Variants in SERINC5 observed in about 807,000 individuals in gnomAD.
SERINC5 encodes the protein chromosome 5 open reading frame 12.
Under a neutral mutation model 63.1 loss-of-function variants are expected in SERINC5, and 41 were observed. That is an observed-to-expected ratio of 0.65 (90% CI 0.51 to 0.84). The LOEUF (loss-of-function observed/expected upper bound fraction) is 0.84. Among genes scored for constraint, SERINC5 ranks in the 40% least tolerant of loss-of-function variants. The pLI is 0.00. For synonymous variants in SERINC5, 222 were observed against 215.2 expected, an observed-to-expected ratio of 1.03 and a Z score of -0.28; for missense variants, 523 against 573.0, an observed-to-expected ratio of 0.91 and a Z score of 0.89.
intron 2 of SERINC5, among the ~76,000 whole-genome samples, chr5:80,192,137 C>T (rs1749226944): frequency 6.6e-6 from 1 of 152,210 alleles, no homozygotes; most frequent in African/African-American, 2.4e-5. Context: ...CCAGTGTGTA[C>T]TAGCTGGCTC....
chr5:80,139,067 C>A lies in SERINC5; in HGVS notation c.*4596G>T, dbSNP rs553748202. 8.5e-4 allele frequency: 833 copies of A among 983,716 alleles called. 1 individual carries two copies. The highest frequency in any genetic ancestry group is 9.5e-4 in the Non-Finnish European group (785 of 828,392). The allele number at this position is 983,716 out of a possible 1,614,324, so 60.9% of individuals were successfully genotyped here. On this transcript the variant is annotated 3_prime_UTR_variant, in exon 12 of 12. Transcript: ENST00000507668. ...AAAGTTACCAAAATTCGAATCATAT[C>A]AGAGACCATTATAAATTTCAAACAG...
intron 6 of SERINC5, among the ~76,000 whole-genome samples, chr5:80,168,063 A>G (rs1430361779): frequency 6.6e-6 from 1 of 152,226 alleles, no homozygotes; most frequent in Non-Finnish European, 1.5e-5. Flanking sequence ...ACTTAACCCA[A>G]AGATTTTAAT....
intron 5 of SERINC5, among the ~76,000 whole-genome samples, chr5:80,172,346 CAAA>C (rs565503285): frequency 7.3e-4 from 110 of 151,546 alleles, no homozygotes; most frequent in African/African-American, 2.5e-3. Flanking sequence ...TTGTTCAGAA[CAAA>C]AAAAAGTATC....
rs1343113816 is a variant in SERINC5, at chr5:80,140,697, C to T, written c.*2966G>A. ...CTCTAGTCTCCAGTCAGGTAACATG[C>T]CGCGGTATGACACTCCCATAAGAAC... On this transcript the variant is annotated 3_prime_UTR_variant, in exon 12 of 12. Transcript: ENST00000507668. 3.0e-6 allele frequency: 3 copies of T among 985,186 alleles called. No individual in the cohort carries two copies. The highest frequency in any genetic ancestry group is 1.1e-4 in the East Asian group (1 of 8,824). 61.0% of individuals were successfully genotyped at this position (985,186 alleles called of 1,614,324 possible). A position where few individuals can be genotyped will look rare whatever the true frequency, so the allele number is the denominator to read the frequency against.
Position 80,140,912 on chromosome 5 carries a change from T to C in SERINC5, c.*2751A>G, listed in dbSNP as rs2112283966. 5.1e-6 allele frequency: 5 copies of C among 985,190 alleles called. No individual in the cohort carries two copies. The highest frequency in any genetic ancestry group is 6.0e-6 in the Non-Finnish European group (5 of 829,774). The allele number at this position is 985,190 out of a possible 1,614,324, so 61.0% of individuals were successfully genotyped here. Reference sequence around the variant, plus strand: ...ACTCTTTAGGTCATGTACAAAAAGGTGTAGGAAGCAAATGTCTATTATTTT... The same window carrying C: ...ACTCTTTAGGTCATGTACAAAAAGGCGTAGGAAGCAAATGTCTATTATTTT... On this transcript the variant is annotated 3_prime_UTR_variant, in exon 12 of 12. Transcript: ENST00000507668.
Position 80,141,806 on chromosome 5 carries a change from A to T in SERINC5, c.*1857T>A. ...ACAGAGCTCCTGCCCTAAAAAAGGA[A>T]ATTTAATGGAATTTACAAAACAAGG... is the stretch of plus-strand genomic sequence containing the variant. On this transcript the variant is annotated 3_prime_UTR_variant, in exon 12 of 12. Transcript: ENST00000507668. 1 of 985,414 alleles carries T rather than the reference A, an allele frequency of 1.0e-6. No homozygotes were observed. The highest frequency in any genetic ancestry group is 1.2e-6 in the Non-Finnish European group (1 of 829,932). 61.0% of individuals were successfully genotyped at this position (985,414 alleles called of 1,614,324 possible). A position where few individuals can be genotyped will look rare whatever the true frequency, so the allele number is the denominator to read the frequency against.
intron 2 of SERINC5, among the ~76,000 whole-genome samples, chr5:80,202,641 C>A (rs571981635): frequency 6.6e-6 from 1 of 151,564 alleles, no homozygotes; most frequent in Non-Finnish European, 1.5e-5. Flanking sequence ...AACAAGAATT[C>A]TCCACCAAAA....
chr5:80,143,595 G>C lies in SERINC5; in HGVS notation c.*68C>G. On this transcript the variant is annotated 3_prime_UTR_variant, in exon 12 of 12. Coordinates refer to ENST00000507668, the MANE Select transcript of SERINC5 (RefSeq NM_001174072.3). ...CACAGGGCGCCAGTCCCTGCCCCGG[G>C]GACACTGTTCAAAAGATGGCACTTT... 1 of 1,505,380 alleles carries C rather than the reference G, an allele frequency of 6.6e-7. No homozygotes were observed. The highest frequency in any genetic ancestry group is 1.2e-5 in the South Asian group (1 of 81,798). 93.3% of individuals were successfully genotyped at this position (1,505,380 alleles called of 1,614,324 possible).
At chr5:80,153,672 C>T (rs1015199449) in intron 8 of SERINC5, among the ~76,000 whole-genome samples, 1 of 152,058 alleles carries the variant, frequency 6.6e-6, no homozygotes, top group African/African-American at 2.4e-5. Flanking sequence ...AGGAGACTTA[C>T]AGCATTGGGT....
rs548141906 is a variant in SERINC5 at position 80,190,846 on chromosome 5, G to A, written c.195+12040C>T. Among the ~76,000 whole-genome samples, 11 of 152,204 alleles carry A rather than the reference G, an allele frequency of 7.2e-5. No individual in the cohort carries two copies. The East Asian group carries it at 1.7e-3, about 24-fold the overall frequency. On this transcript the variant is annotated intron_variant, in intron 2 of 11. Transcript: ENST00000507668. ...GTACATGGCAGACATTTAAGTTTCC[G>A]GCCCCAGCATCTTTCTTATATCAGA... is the stretch of plus-strand genomic sequence containing the variant.
chr5:80,164,169 TG>T (rs1009739751), intron 7 of SERINC5, among the ~76,000 whole-genome samples: 1 of 152,180 alleles, frequency 6.6e-6, no homozygotes, highest in Admixed American at 6.6e-5. Flanking sequence ...AATGATCTTT[TG>T]TACTTTTGTG....
intron 1 of SERINC5, 51 bp downstream of exon 1, chr5:80,255,845 G>A (rs1054910585): frequency 3.2e-6 from 5 of 1,576,718 alleles, no homozygotes; most frequent in African/African-American, 1.4e-5. Flanking sequence ...CTGGACTCCT[G>A]GCCCGGTTCT....
chr5:80,184,037 G>T (rs959587045), intron 2 of SERINC5, among the ~76,000 whole-genome samples: 2 of 152,190 alleles, frequency 1.3e-5, no homozygotes, highest in South Asian at 2.1e-4. Flanking sequence ...TATGGTAGGG[G>T]ACACACACAA....
intron 1 of SERINC5, among the ~76,000 whole-genome samples, chr5:80,245,750 G>T (rs751973052): frequency 6.6e-6 from 1 of 151,854 alleles, no homozygotes; most frequent in African/African-American, 2.4e-5. Flanking sequence ...GAGTATCTGG[G>T]ATTACAGGCA....
chr5:80,219,886 C>T (rs1750822584), intron 1 of SERINC5, among the ~76,000 whole-genome samples: 1 of 152,064 alleles, frequency 6.6e-6, no homozygotes, highest in African/African-American at 2.4e-5. Context: ...ATTGGCTACA[C>T]ACAACCAAGT....
At chr5:80,138,191 G>A (rs1745290746), downstream of SERINC5, among the ~76,000 whole-genome samples, 1 of 152,000 alleles carries the variant, frequency 6.6e-6, no homozygotes, top group Non-Finnish European at 1.5e-5. Flanking sequence ...TGGGCGAGGG[G>A]GGAGTTCAGG....
chr5:80,253,827 T>C (rs904203325), intron 1 of SERINC5, among the ~76,000 whole-genome samples: 2 of 152,218 alleles, frequency 1.3e-5, no homozygotes, highest in African/African-American at 4.8e-5. Context: ...GAGATGCTTG[T>C]CTGACTTATG....
At chr5:80,185,409 C>G (rs992429346) in intron 2 of SERINC5, among the ~76,000 whole-genome samples, 1 of 152,168 alleles carries the variant, frequency 6.6e-6, no homozygotes, top group Non-Finnish European at 1.5e-5. Flanking sequence ...CTGAGAATTA[C>G]ATCAGATAAC....
intron 2 of SERINC5, among the ~76,000 whole-genome samples, chr5:80,189,559 G>A (rs755388514): frequency 3.9e-5 from 6 of 152,126 alleles, no homozygotes; most frequent in Admixed American, 6.5e-5. Flanking sequence ...AGGTGAACAC[G>A]GCTGATGGAA....
Sources: allele counts gnomAD v4.1 joint callset (sites outside exome capture counted in the v4.1 genomes callset), GRCh38; gene constraint gnomAD v4.1.1; transcripts MANE v1.5; gene names NCBI Gene and HGNC (gene_info 2026-07-23, HGNC 2026-07-21).